TMEM164: variants seen among roughly 807,000 people sequenced by gnomAD.
The protein encoded by TMEM164 is RP13-360B22.2.
Under a neutral mutation model 18.8 loss-of-function variants are expected in TMEM164, and 4 were observed. The observed-to-expected ratio is 0.21, with a 90% CI of 0.10 to 0.49. The LOEUF (loss-of-function observed/expected upper bound fraction) is 0.49, where lower values mean the gene tolerates loss of function less well. Ranked by LOEUF, TMEM164 falls within the 20% of genes least tolerant of loss-of-function variation. TMEM164 has a pLI of 0.98. For synonymous variants in TMEM164, 86 were observed against 101.7 expected (o/e 0.85, Z 0.93); for missense variants, 108 against 239.9 (o/e 0.45, Z 3.63).
chrX:110,122,346 A>G lies in TMEM164; in HGVS notation c.507+13200A>G, dbSNP rs371871846. ...AAGAACAAAAAACCAAACACCGCAT[A>G]TTCTCACTCATAGGTGGGAATTGAA... On this transcript the variant is annotated intron_variant, in intron 4 of 6. Coordinates refer to ENST00000372068, the MANE Select transcript of TMEM164 (RefSeq NM_032227.4). Among the ~76,000 whole-genome samples, 230 of 102,416 alleles carry G rather than the reference A, an allele frequency of 2.2e-3. 1 individual carries two copies. The highest frequency in any genetic ancestry group is 3.2e-3 in the Non-Finnish European group (162 of 50,589). The allele number at this position is 102,416 out of a possible 115,157, so 88.9% of individuals were successfully genotyped here.
chrX:110,106,805 C>G (rs2066209935), intron 3 of TMEM164, among the ~76,000 whole-genome samples: 1 of 110,982 alleles, frequency 9.0e-6, no homozygotes, highest in Non-Finnish European at 1.9e-5. Context: ...CACTGAAGGC[C>G]TGGAATGGCT....
intron 2 of TMEM164, among the ~76,000 whole-genome samples, chrX:110,061,736 C>T (rs1039054538): frequency 9.0e-6 from 1 of 111,413 alleles, no homozygotes; most frequent in Non-Finnish European, 1.9e-5. Flanking sequence ...CTTAGACTGA[C>T]AAAAATAGTA....
At chrX:110,038,952 A>G (rs1602514862) in intron 2 of TMEM164, among the ~76,000 whole-genome samples, 2 of 111,758 alleles carry the variant, frequency 1.8e-5, no homozygotes. Context: ...TTGATCATGA[A>G]GGTGGTATAG....
intron 2 of TMEM164, among the ~76,000 whole-genome samples, chrX:110,038,891 G>C (rs1385230343): frequency 9.0e-6 from 1 of 110,700 alleles, no homozygotes; most frequent in African/African-American, 3.3e-5. Flanking sequence ...AAACTACTTT[G>C]AGCTTCACAC....
rs1028919634 is a variant in TMEM164, at chrX:110,129,410, C to T, written c.508-15388C>T. Among the ~76,000 whole-genome samples the T allele has an allele frequency of 5.4e-5, 6 of 112,138 alleles. No individual in the cohort carries two copies. The Admixed American group carries it at 5.7e-4, about 11-fold the overall frequency. On this transcript the variant is annotated intron_variant, in intron 4 of 6. Coordinates refer to ENST00000372068, the MANE Select transcript of TMEM164 (RefSeq NM_032227.4). ...GACCTTTGTCCCCCATCCCTTATGC[C>T]CTGTGAAGCTATGAGAAATCAAAGC...
intron 3 of TMEM164, among the ~76,000 whole-genome samples, chrX:110,072,296 C>CAAAAAAA (rs56056315): frequency 4.3e-5 from 2 of 46,318 alleles, no homozygotes; most frequent in African/African-American, 1.7e-4. Flanking sequence ...GACTCCATCT[C>CAAAAAAA]AAAAAAAAAA....
intron 2 of TMEM164, among the ~76,000 whole-genome samples, chrX:110,059,886 T>C (rs1936030797): frequency 1.8e-5 from 2 of 110,702 alleles, no homozygotes; most frequent in Admixed American, 9.6e-5. Flanking sequence ...TACTTGGAGA[T>C]CAGATAGGAA....
At chrX:110,145,316 A>C (rs1449290170) in intron 5 of TMEM164, among the ~76,000 whole-genome samples, 1 of 111,585 alleles carries the variant, frequency 9.0e-6, no homozygotes, top group Non-Finnish European at 1.9e-5. Flanking sequence ...GACCAGGGCA[A>C]TTATGGGATT....
intron 3 of TMEM164, among the ~76,000 whole-genome samples, chrX:110,089,713 G>A (rs756830534): frequency 8.9e-6 from 1 of 112,021 alleles, no homozygotes; most frequent in East Asian, 2.8e-4. Context: ...GAATAGTACA[G>A]TGGAATTAGA....
intron 5 of TMEM164, among the ~76,000 whole-genome samples, chrX:110,149,860 C>A (rs762701791): frequency 2.4e-3 from 274 of 111,909 alleles, no homozygotes; most frequent in African/African-American, 7.7e-3. Flanking sequence ...AGCATCCAAT[C>A]ACCCCAGCTA....
At chrX:110,122,577 TAA>T (rs1267931076) in intron 4 of TMEM164, among the ~76,000 whole-genome samples, 1 of 109,060 alleles carries the variant, frequency 9.2e-6, no homozygotes, top group Non-Finnish European at 1.9e-5. Context: ...ATAATAATAA[TAA>T]AATAAAATAA....
rs763269134 is a variant in TMEM164, at chrX:110,173,774, G to A, written c.*323G>A. 3 of 257,142 alleles carry A rather than the reference G, an allele frequency of 1.2e-5. No homozygotes were observed. In the East Asian group the frequency reaches 2.4e-4, roughly 20 times the overall value. 21.2% of individuals were successfully genotyped at this position (257,142 alleles called of 1,213,427 possible). Reference sequence around the variant, plus strand: ...CTTGTCGGTGCTTTAACAACAGCTGGTTGAGGAGAAAGGGAACAACAAGTA... The same window carrying A: ...CTTGTCGGTGCTTTAACAACAGCTGATTGAGGAGAAAGGGAACAACAAGTA... On this transcript the variant is annotated 3_prime_UTR_variant, in exon 7 of 7. Coordinates refer to ENST00000372068, the MANE Select transcript of TMEM164 (RefSeq NM_032227.4).
At chrX:110,138,206 C>T (rs2066717929) in intron 4 of TMEM164, among the ~76,000 whole-genome samples, 1 of 112,173 alleles carries the variant, frequency 8.9e-6, no homozygotes, top group Non-Finnish European at 1.9e-5. Flanking sequence ...TTATAACAGC[C>T]AGCATTTAAT....
intron 3 of TMEM164, among the ~76,000 whole-genome samples, chrX:110,086,975 C>G (rs2147908299): frequency 9.0e-6 from 1 of 111,623 alleles, no homozygotes; most frequent in Non-Finnish European, 1.9e-5. Context: ...AGTTCACATT[C>G]ACATTCTTTG....
At chrX:110,173,198 A>G in intron 6 of TMEM164, 47 bp from the exon 7 acceptor site, 2 of 1,175,336 alleles carry the variant, frequency 1.7e-6, no homozygotes, top group Non-Finnish European at 2.3e-6. Context: ...AAGCCAGAGA[A>G]AGCCTAAGGA....
At chrX:110,148,402 C>T (rs2066888163) in intron 5 of TMEM164, among the ~76,000 whole-genome samples, 1 of 111,916 alleles carries the variant, frequency 8.9e-6, no homozygotes, top group Admixed American at 9.5e-5. Context: ...GGTGTTCATT[C>T]TGTTCTGGCC....
chrX:110,060,588 A>G (rs1936078062), intron 2 of TMEM164, among the ~76,000 whole-genome samples: 1 of 111,942 alleles, frequency 8.9e-6, no homozygotes, highest in South Asian at 3.7e-4. Context: ...TGCAATATGA[A>G]CTTAACTACA....
chrX:110,087,211 G>A (rs2065866324), intron 3 of TMEM164, among the ~76,000 whole-genome samples: 2 of 111,995 alleles, frequency 1.8e-5, no homozygotes, highest in African/African-American at 6.5e-5. Flanking sequence ...CAATAAAAGA[G>A]CAGTCATCAG....
intron 2 of TMEM164, among the ~76,000 whole-genome samples, chrX:110,006,773 A>G (rs949175092): frequency 3.6e-5 from 4 of 112,556 alleles, no homozygotes; most frequent in African/African-American, 1.3e-4. Context: ...AAGGGATGTT[A>G]AAATGTTTCC....
Sources: allele counts gnomAD v4.1 joint callset (sites outside exome capture counted in the v4.1 genomes callset), GRCh38; gene constraint gnomAD v4.1.1; transcripts MANE v1.5; gene names NCBI Gene and HGNC (gene_info 2026-07-23, HGNC 2026-07-21).